Variants in TENM2 observed in about 807,000 individuals in gnomAD.
TENM2 encodes the protein teneurin transmembrane protein 2.
Under a neutral mutation model 245.2 loss-of-function variants are expected in TENM2, and 52 were observed. That is an observed-to-expected ratio of 0.21 (90% CI 0.17 to 0.27). The LOEUF is 0.27. Ranked by LOEUF, TENM2 falls within the 10% of genes least tolerant of loss-of-function variation. The pLI is 1.00. For synonymous variants in TENM2, 1,363 were observed against 1,438.9 expected (o/e 0.95, Z 1.19); for missense variants, 3,046 against 3,666.8 (o/e 0.83, Z 4.37).
chr5:167,827,594 T>A (rs1323246993), intron 2 of TENM2, among the ~76,000 whole-genome samples: 10 of 131,292 alleles, frequency 7.6e-5, no homozygotes, highest in African/African-American at 1.2e-4. Flanking sequence ...AAGATGGATA[T>A]AATTATATTT....
chr5:167,927,456 A>G (rs1305940690), intron 3 of TENM2, among the ~76,000 whole-genome samples: 1 of 152,160 alleles, frequency 6.6e-6, no homozygotes, highest in East Asian at 1.9e-4. Context: ...CAGCGGTGCT[A>G]ATGTAGTCTC....
chr5:167,011,941 C>T, the TENM2 span, among the ~76,000 whole-genome samples: 5 of 152,090 alleles, frequency 3.3e-5, no homozygotes, highest in African/African-American at 7.2e-5. Flanking sequence ...GGCATATTGT[C>T]GTGTAGGTTG....
chr5:167,644,955 T>C (rs1779837054), intron 2 of TENM2, among the ~76,000 whole-genome samples: 1 of 152,192 alleles, frequency 6.6e-6, no homozygotes, highest in Non-Finnish European at 1.5e-5. Context: ...ACACCTAGGC[T>C]GTATGGGATA....
chr5:167,847,598 C>T (rs1770165737), intron 2 of TENM2, among the ~76,000 whole-genome samples: 1 of 152,180 alleles, frequency 6.6e-6, no homozygotes, highest in Non-Finnish European at 1.5e-5. Context: ...TCCTAGATTC[C>T]TTCATACCTT....
At chr5:167,379,151 A>T (rs970632553) in intron 2 of TENM2, among the ~76,000 whole-genome samples, 3 of 152,172 alleles carry the variant, frequency 2.0e-5, no homozygotes, top group Admixed American at 2.0e-4. Flanking sequence ...GTTGAGATAT[A>T]AATGTTGGGT....
chr5:167,340,369 A>G (rs1404480352), intron 1 of TENM2, among the ~76,000 whole-genome samples: 2 of 152,220 alleles, frequency 1.3e-5, no homozygotes, highest in Non-Finnish European at 2.9e-5. Flanking sequence ...CACAGATTCG[A>G]TGGCTTAAAC....
chr5:167,637,691 C>G (rs1170381673), intron 2 of TENM2, among the ~76,000 whole-genome samples: 1 of 152,006 alleles, frequency 6.6e-6, no homozygotes, highest in Non-Finnish European at 1.5e-5. Context: ...AAGCTGGAAA[C>G]CATCAGCAAA....
At chr5:168,225,834 C>T (rs573513008) in intron 23 of TENM2, among the ~76,000 whole-genome samples, 6 of 151,204 alleles carry the variant, frequency 4.0e-5, no homozygotes, top group Non-Finnish European at 8.8e-5. Flanking sequence ...CTCTAACTAA[C>T]TAGAGGAAGC....
At chr5:167,661,689 T>G (rs899259392) in intron 2 of TENM2, among the ~76,000 whole-genome samples, 1 of 152,206 alleles carries the variant, frequency 6.6e-6, no homozygotes, top group African/African-American at 2.4e-5. Flanking sequence ...AAAAGTGATT[T>G]AGAAGATATT....
chr5:168,116,045 A>AC (rs1795059814), intron 9 of TENM2, among the ~76,000 whole-genome samples: 3 of 152,316 alleles, frequency 2.0e-5, no homozygotes, highest in South Asian at 4.2e-4. Context: ...AAACTTTAAG[A>AC]AAGTTCAGAG....
At chr5:168,235,017 AGAG>A (rs1765298124) in intron 25 of TENM2, among the ~76,000 whole-genome samples, 1 of 152,172 alleles carries the variant, frequency 6.6e-6, no homozygotes, top group South Asian at 2.1e-4. Flanking sequence ...TCACAGTGAC[AGAG>A]GAGGGAGGTG....
rs891507660 is a variant in TENM2, at chr5:168,016,804, C to G, written c.1186+23622C>G. On this transcript the variant is annotated intron_variant, in intron 5 of 28. Transcript: ENST00000518659. ...TGACTCTGAGCAAGTTACTTCACCT[C>G]TCTGAAATAGTTTTGTCATCTATAA... is the stretch of plus-strand genomic sequence containing the variant. Among the ~76,000 whole-genome samples the G allele has an allele frequency of 2.0e-5, 3 of 152,356 alleles. No individual in the cohort carries two copies. In the East Asian group the frequency reaches 5.8e-4, roughly 29 times the overall value.
intron 2 of TENM2, among the ~76,000 whole-genome samples, chr5:167,845,176 G>A (rs1769918070): frequency 6.7e-6 from 1 of 149,716 alleles, no homozygotes; most frequent in Admixed American, 6.7e-5. Context: ...TTGTTTTAAT[G>A]TTTTACAAGT....
chr5:166,981,939 G>A, the TENM2 span, among the ~76,000 whole-genome samples: 2 of 152,210 alleles, frequency 1.3e-5, no homozygotes, highest in East Asian at 3.9e-4. Flanking sequence ...GTTTGGTGTG[G>A]TATTGTGTTT....
chr5:167,957,769 T>A (rs1340041016), intron 4 of TENM2, among the ~76,000 whole-genome samples: 2 of 152,228 alleles, frequency 1.3e-5, no homozygotes, highest in Non-Finnish European at 2.9e-5. Flanking sequence ...TCAGTTTCCA[T>A]GTAGTTGTGC....
At chr5:167,746,252 C>T (rs189461666) in intron 2 of TENM2, among the ~76,000 whole-genome samples, 1 of 152,286 alleles carries the variant, frequency 6.6e-6, no homozygotes, top group East Asian at 1.9e-4. Context: ...GCTCACCCTA[C>T]AGCCATACTA....
At chr5:167,622,246 AC>A (rs774115493) in intron 2 of TENM2, among the ~76,000 whole-genome samples, 19 of 152,086 alleles carry the variant, frequency 1.2e-4, no homozygotes, top group Non-Finnish European at 2.4e-4. Flanking sequence ...GATGAGAAGC[AC>A]CCCTCTGGGC....
intron 2 of TENM2, among the ~76,000 whole-genome samples, chr5:167,775,462 G>T (rs1269444201): frequency 6.6e-6 from 1 of 152,224 alleles, no homozygotes; most frequent in East Asian, 1.9e-4. Flanking sequence ...GGGGCCCTCA[G>T]CTTCCTGACA....
intron 2 of TENM2, among the ~76,000 whole-genome samples, chr5:167,593,672 T>G (rs1374556554): frequency 6.6e-6 from 1 of 152,214 alleles, no homozygotes; most frequent in Non-Finnish European, 1.5e-5. Flanking sequence ...AAGCTCTGGA[T>G]TTGCCTTTCG....
Sources: allele counts gnomAD v4.1 joint callset (sites outside exome capture counted in the v4.1 genomes callset), GRCh38; gene constraint gnomAD v4.1.1; transcripts MANE v1.5; gene names NCBI Gene and HGNC (gene_info 2026-07-23, HGNC 2026-07-21).